The following SLC9A9 variants were observed in gnomAD, a reference collection of about 807,000 sequenced individuals.
SLC9A9 encodes solute carrier family 9 member A9.
A neutral mutation model predicts 77.8 loss-of-function variants in SLC9A9; 62 were observed. The ratio of observed to expected loss-of-function variants is 0.80; its 90% confidence interval spans 0.65 to 0.98. The LOEUF (loss-of-function observed/expected upper bound fraction) is 0.98, where lower values mean the gene tolerates loss of function less well. SLC9A9 is among the 50% of genes least tolerant of loss of function. The pLI is 0.00. For missense variants in SLC9A9, 775 were observed against 774.9 expected (o/e 1.00, Z 0.00); for synonymous variants, 320 against 283.5 (o/e 1.13, Z -1.29).
intron 5 of SLC9A9, among the ~76,000 whole-genome samples, chr3:143,682,188 A>G (rs1933123350): frequency 6.6e-6 from 1 of 152,210 alleles, no homozygotes; most frequent in Admixed American, 6.5e-5. Context: ...GATAAATTAC[A>G]GTAATAAAGG....
intron 4 of SLC9A9, among the ~76,000 whole-genome samples, chr3:143,723,008 T>C (rs1934543342): frequency 1.3e-5 from 2 of 152,132 alleles, no homozygotes; most frequent in African/African-American, 4.8e-5. Context: ...AACTTTCAAA[T>C]TGTCATTTTT....
chr3:143,656,007 A>T (rs936772728), intron 5 of SLC9A9, among the ~76,000 whole-genome samples: 1 of 152,172 alleles, frequency 6.6e-6, no homozygotes, highest in African/African-American at 2.4e-5. Context: ...GAGAGAAAGG[A>T]TGAGAAAACT....
Position 143,449,814 on chromosome 3 carries a change from AT to A in SLC9A9, c.1469+17222del, listed in dbSNP as rs2034951166. 1.0e-4 allele frequency among the ~76,000 whole-genome samples: 4 copies of A among 39,956 alleles called. 1 individual carries two copies. The highest frequency in any genetic ancestry group is 7.9e-4 in the African/African-American group (4 of 5,048). 26.2% of individuals were successfully genotyped at this position (39,956 alleles called of 152,430 possible). A position where few individuals can be genotyped will look rare whatever the true frequency, so the allele number is the denominator to read the frequency against. ...TTATATATATTTTATATATATAATT[AT>A]ATATTTACATATATAATTATATGTA... On this transcript the variant is annotated intron_variant, in intron 12 of 15. Coordinates refer to ENST00000316549, the MANE Select transcript of SLC9A9 (RefSeq NM_173653.4).
intron 14 of SLC9A9, among the ~76,000 whole-genome samples, chr3:143,287,481 T>C (rs941012042): frequency 6.6e-6 from 1 of 152,192 alleles, no homozygotes; most frequent in African/African-American, 2.4e-5. Context: ...GTAGCTTCTC[T>C]TATGATTCTG....
rs550727045 is a variant in SLC9A9, at chr3:143,695,622, G to T, written c.534-2315C>A. On this transcript the variant is annotated intron_variant, in intron 4 of 15. Coordinates refer to ENST00000316549, the MANE Select transcript of SLC9A9 (RefSeq NM_173653.4). ...GGGTTGGTTCCAAGTCTTTGCTATC[G>T]TGAATAATGCTGTAATAAACATATG... is the stretch of plus-strand genomic sequence containing the variant. 3.9e-5 allele frequency among the ~76,000 whole-genome samples: 6 copies of T among 152,198 alleles called. No individual in the cohort carries two copies. The South Asian group carries it at 1.2e-3, about 32-fold the overall frequency.
chr3:143,274,009 TG>T (rs1349656885), intron 14 of SLC9A9, among the ~76,000 whole-genome samples: 1 of 152,224 alleles, frequency 6.6e-6, no homozygotes, highest in African/African-American at 2.4e-5. Flanking sequence ...ACATATATAA[TG>T]GTCTCTGCCA....
chr3:143,620,950 G>A lies in SLC9A9; in HGVS notation c.755+31305C>T, dbSNP rs569211163. 5.3e-5 allele frequency among the ~76,000 whole-genome samples: 8 copies of A among 152,290 alleles called. No individual in the cohort carries two copies. The South Asian group carries it at 1.5e-3, about 28-fold the overall frequency. ...CGCTTTTCCAATGGTCTTAGCAAAC[G>A]GCACGCCAGGAGATTATATCCCGCG... On this transcript the variant is annotated intron_variant, in intron 6 of 15. Coordinates refer to ENST00000316549, the MANE Select transcript of SLC9A9 (RefSeq NM_173653.4).
At chr3:143,489,837 C>T (rs1018026649) in intron 11 of SLC9A9, among the ~76,000 whole-genome samples, 7 of 151,792 alleles carry the variant, frequency 4.6e-5, no homozygotes, top group African/African-American at 1.2e-4. Flanking sequence ...GACAAAAGAT[C>T]CCATTTAAAA....
chr3:143,649,222 C>A (rs1397731827), intron 6 of SLC9A9, among the ~76,000 whole-genome samples: 1 of 152,162 alleles, frequency 6.6e-6, no homozygotes, highest in Non-Finnish European at 1.5e-5. Flanking sequence ...ATATCTTTTG[C>A]CTTCCTTCAA....
At chr3:143,756,851 T>C (rs1404115104) in intron 4 of SLC9A9, among the ~76,000 whole-genome samples, 2 of 152,210 alleles carry the variant, frequency 1.3e-5, no homozygotes, top group Non-Finnish European at 2.9e-5. Flanking sequence ...TGAATCTAAC[T>C]GAAGTGACAA....
At chr3:143,526,208 T>C (rs970972132) in intron 9 of SLC9A9, among the ~76,000 whole-genome samples, 3 of 152,124 alleles carry the variant, frequency 2.0e-5, no homozygotes, top group African/African-American at 7.2e-5. Flanking sequence ...TTGGGGAAGA[T>C]AGTGGGCAAA....
At chr3:143,322,656 A>G (rs1277909408) in intron 14 of SLC9A9, among the ~76,000 whole-genome samples, 1 of 152,168 alleles carries the variant, frequency 6.6e-6, no homozygotes, top group Non-Finnish European at 1.5e-5. Flanking sequence ...GTTCTTCCTC[A>G]GTGGTTCTTG....
intron 12 of SLC9A9, among the ~76,000 whole-genome samples, chr3:143,455,513 T>C (rs2035075424): frequency 6.6e-6 from 1 of 152,220 alleles, no homozygotes; most frequent in African/African-American, 2.4e-5. Flanking sequence ...AGAAAATTGA[T>C]GTCTTAACTA....
intron 5 of SLC9A9, among the ~76,000 whole-genome samples, chr3:143,684,751 A>T (rs1445584345): frequency 6.6e-6 from 1 of 152,090 alleles, no homozygotes; most frequent in African/African-American, 2.4e-5. Flanking sequence ...ATGATATTTG[A>T]ATCATATAGA....
chr3:143,464,637 A>G (rs1186970221), intron 12 of SLC9A9, among the ~76,000 whole-genome samples: 6 of 152,096 alleles, frequency 3.9e-5, no homozygotes, highest in African/African-American at 1.4e-4. Context: ...TAGCGGTAGG[A>G]AGTCTAAACC....
chr3:143,399,998 T>C lies in SLC9A9; in HGVS notation c.1470-17884A>G, dbSNP rs193008890. Among the ~76,000 whole-genome samples the C allele has an allele frequency of 2.2e-4, 34 of 152,326 alleles. No individual in the cohort carries two copies. In the East Asian group the frequency reaches 6.4e-3, roughly 29 times the overall value. ...TACATACGGTGAGTTTCATCAAACC[T>C]AGATGTAGTTCATGATAAGGCATAC... On this transcript the variant is annotated intron_variant, in intron 12 of 15. Coordinates refer to ENST00000316549, the MANE Select transcript of SLC9A9 (RefSeq NM_173653.4).
At chr3:143,395,461 G>A (rs921321084) in intron 12 of SLC9A9, among the ~76,000 whole-genome samples, 365 of 152,132 alleles carry the variant, frequency 2.4e-3, no homozygotes, top group African/African-American at 8.4e-3. Context: ...GATGGATTAA[G>A]GACTTAAATG....
At chr3:143,443,998 G>A (rs1018450880) in intron 12 of SLC9A9, among the ~76,000 whole-genome samples, 1 of 152,132 alleles carries the variant, frequency 6.6e-6, no homozygotes, top group African/African-American at 2.4e-5. Flanking sequence ...AGTAGGTGGT[G>A]TAATGACTTA....
At chr3:143,627,528 C>T (rs369173369) in intron 6 of SLC9A9, 2 of 292,242 alleles carry the variant, frequency 6.8e-6, no homozygotes, top group East Asian at 9.4e-5. Context: ...CATGCAGAGG[C>T]GGTGACTCGC....
Sources: allele counts gnomAD v4.1 joint callset (sites outside exome capture counted in the v4.1 genomes callset), GRCh38; gene constraint gnomAD v4.1.1; transcripts MANE v1.5; gene names NCBI Gene and HGNC (gene_info 2026-07-23, HGNC 2026-07-21).